DCAF8L2: variants seen among roughly 807,000 people sequenced by gnomAD.
The protein encoded by DCAF8L2 is DDB1- and CUL4-associated factor 8-like protein 2.
For missense variants in DCAF8L2, 430 were observed against 490.7 expected, an observed-to-expected ratio of 0.88 and a Z score of 1.17; for synonymous variants, 200 against 190.9, an observed-to-expected ratio of 1.05 and a Z score of -0.39.
intron 1 of DCAF8L2, among the ~76,000 whole-genome samples, chrX:27,615,524 A>AATCTATCTATCTATCTATCTATCT (rs368679663): frequency 3.1e-4 from 32 of 104,459 alleles, no homozygotes; most frequent in African/African-American, 8.2e-4. Context: ...AGATTCTATC[A>AATCTATCTATCTATCTATCTATCT]ATCTATCTAT....
chrX:27,642,227 T>G (rs1928762970), intron 2 of DCAF8L2, among the ~76,000 whole-genome samples: 1 of 110,443 alleles, frequency 9.1e-6, no homozygotes, highest in Non-Finnish European at 1.9e-5. Context: ...TTTTCTCCAG[T>G]TTTTCCTCCG....
At chrX:27,678,791 A>T (rs1028245124) in intron 3 of DCAF8L2, among the ~76,000 whole-genome samples, 2 of 111,749 alleles carry the variant, frequency 1.8e-5, no homozygotes, top group African/African-American at 6.5e-5. Flanking sequence ...AATGTGCTTA[A>T]TGCCACTGAA....
chrX:27,563,331 A>AT, the DCAF8L2 span, among the ~76,000 whole-genome samples: 3 of 111,737 alleles, frequency 2.7e-5, no homozygotes, highest in African/African-American at 9.8e-5. Context: ...GTTTAAAATG[A>AT]TTTTTTGTCC....
At chrX:27,683,304 G>C (rs1454051433) in intron 3 of DCAF8L2, among the ~76,000 whole-genome samples, 2 of 111,942 alleles carry the variant, frequency 1.8e-5, no homozygotes, top group African/African-American at 3.2e-5. Flanking sequence ...ATTCATTCAA[G>C]TGGCATGAAG....
chrX:27,616,403 T>C (rs1329562354), intron 1 of DCAF8L2, among the ~76,000 whole-genome samples: 2 of 111,229 alleles, frequency 1.8e-5, no homozygotes, highest in Non-Finnish European at 3.8e-5. Context: ...ATTGGAAATA[T>C]AAGTCTCATA....
chrX:27,734,554 G>A lies in DCAF8L2; in HGVS notation c.-58-12284G>A, dbSNP rs760655007. Among the ~76,000 whole-genome samples the A allele has an allele frequency of 2.6e-3, 296 of 111,826 alleles. 3 individuals carry two copies. The highest frequency in any genetic ancestry group is 4.5e-3 in the Non-Finnish European group (241 of 53,183). On this transcript the variant is annotated intron_variant, in intron 4 of 4. Coordinates refer to ENST00000451261, the MANE Select transcript of DCAF8L2 (RefSeq NM_001353450.2). Reference sequence around the variant, plus strand: ...GAGAAGAGCAGAAATTCCTTTCAGCGTGTAAATGAGAGGAGAAAGAAATTG... The same window carrying A: ...GAGAAGAGCAGAAATTCCTTTCAGCATGTAAATGAGAGGAGAAAGAAATTG...
At chrX:27,636,676 T>C (rs912925397) in intron 2 of DCAF8L2, among the ~76,000 whole-genome samples, 1 of 111,532 alleles carries the variant, frequency 9.0e-6, no homozygotes, top group Non-Finnish European at 1.9e-5. Flanking sequence ...TAGAGAAGAA[T>C]TTTACTGGAA....
At chrX:27,638,346 A>C (rs1214784274) in intron 2 of DCAF8L2, among the ~76,000 whole-genome samples, 1 of 111,641 alleles carries the variant, frequency 9.0e-6, no homozygotes, top group Non-Finnish European at 1.9e-5. Context: ...CCACACTCCC[A>C]CACTCATTTT....
chrX:27,720,859 G>A, intron 4 of DCAF8L2, among the ~76,000 whole-genome samples: 1 of 111,286 alleles, frequency 9.0e-6, no homozygotes, highest in African/African-American at 3.3e-5. Flanking sequence ...GTAATTTGGT[G>A]TTCAGACCTT....
At chrX:27,588,152 C>T (rs901646605), upstream of DCAF8L2, among the ~76,000 whole-genome samples, 1 of 108,437 alleles carries the variant, frequency 9.2e-6, no homozygotes, top group Admixed American at 1.0e-4. Flanking sequence ...ATTAGTTTTT[C>T]AACCCTTGCT....
chrX:27,518,628 A>C, the DCAF8L2 span, among the ~76,000 whole-genome samples: 1 of 110,643 alleles, frequency 9.0e-6, no homozygotes, highest in Non-Finnish European at 1.9e-5. Flanking sequence ...AATCCCAGCT[A>C]CTCAGGAGGC....
At chrX:27,704,206 G>A (rs1298206898) in intron 3 of DCAF8L2, among the ~76,000 whole-genome samples, 1 of 61,813 alleles carries the variant, frequency 1.6e-5, no homozygotes, top group African/African-American at 9.2e-5. Flanking sequence ...ATATACACAT[G>A]TACACACGCG....
At chrX:27,676,300 G>C (rs1930137003) in intron 2 of DCAF8L2, among the ~76,000 whole-genome samples, 1 of 111,670 alleles carries the variant, frequency 9.0e-6, no homozygotes, top group African/African-American at 3.3e-5. Flanking sequence ...AATTTTTGAA[G>C]ACACATATGT....
At chrX:27,612,089 T>A (rs761365840) in intron 1 of DCAF8L2, among the ~76,000 whole-genome samples, 6 of 111,520 alleles carry the variant, frequency 5.4e-5, no homozygotes, top group African/African-American at 1.6e-4. Context: ...TTTCTCCACA[T>A]CCTCTCCAGC....
At chrX:27,484,929 G>A in the DCAF8L2 span, among the ~76,000 whole-genome samples, 1 of 111,677 alleles carries the variant, frequency 9.0e-6, no homozygotes, top group Admixed American at 9.5e-5. Flanking sequence ...GTAGGAGTTT[G>A]AGTTATATCT....
chrX:27,619,891 G>A (rs900251876), intron 1 of DCAF8L2, among the ~76,000 whole-genome samples: 1 of 111,121 alleles, frequency 9.0e-6, no homozygotes, highest in African/African-American at 3.3e-5. Flanking sequence ...TAAAATATTT[G>A]CAATACATGC....
At chrX:27,525,739 C>T in the DCAF8L2 span, among the ~76,000 whole-genome samples, 1 of 111,585 alleles carries the variant, frequency 9.0e-6, no homozygotes, top group South Asian at 3.8e-4. Flanking sequence ...GACAAACTCT[C>T]AGCATTTGCT....
chrX:27,505,755 G>A, the DCAF8L2 span, among the ~76,000 whole-genome samples: 24,712 of 111,015 alleles, frequency 0.22, 2,574 homozygotes, highest in African/African-American at 0.39. Context: ...CTGGAACTGT[G>A]TATTTTGCTG....
At chrX:27,667,830 A>G (rs1028048434) in intron 2 of DCAF8L2, among the ~76,000 whole-genome samples, 4 of 112,448 alleles carry the variant, frequency 3.6e-5, no homozygotes, top group African/African-American at 1.3e-4. Flanking sequence ...TGATTAATTT[A>G]TCACATTTCA....
Sources: allele counts gnomAD v4.1 joint callset (sites outside exome capture counted in the v4.1 genomes callset), GRCh38; gene constraint gnomAD v4.1.1; transcripts MANE v1.5; gene names NCBI Gene and HGNC (gene_info 2026-07-23, HGNC 2026-07-21).